Variants in PDYN observed in about 807,000 individuals in gnomAD.
PDYN encodes proenkephalin-B.
In PDYN, 5 loss-of-function variants were observed where a neutral mutation model predicts 11.4. The ratio of observed to expected loss-of-function variants is 0.44; its 90% CI spans 0.23 to 0.92. The LOEUF (loss-of-function observed/expected upper bound fraction) is 0.92. Among genes scored for constraint, PDYN ranks in the 40% least tolerant of loss-of-function variants. The probability of loss-of-function intolerance (pLI) is 0.24; values close to 1 mark genes in which losing one functional copy is unlikely to be tolerated. For missense variants in PDYN, 337 were observed against 317.3 expected, an observed-to-expected ratio of 1.06 and a Z score of -0.47; for synonymous variants, 132 against 129.5, an observed-to-expected ratio of 1.02 and a Z score of -0.13.
Position 1,981,087 on chromosome 20 carries a change from G to T in PDYN, c.130-129C>A. The T allele has an allele frequency of 9.4e-6, 9 of 960,338 alleles. 1 individual carries two copies. In the South Asian group the frequency reaches 1.3e-4, roughly 13 times the overall value. The allele number at this position is 960,338 out of a possible 1,614,324, so 59.5% of individuals were successfully genotyped here. On this transcript the variant is annotated intron_variant, in intron 3 of 3. Coordinates refer to ENST00000217305, the MANE Select transcript of PDYN (RefSeq NM_024411.5). ...CACTGCTAAGCCCTGGGCTACCCAT[G>T]TTCATACTACTGGTGGTGCATAAAG...
chr20:1,982,389 CTG>C (rs965706058), intron 3 of PDYN, among the ~76,000 whole-genome samples: 39 of 152,224 alleles, frequency 2.6e-4, no homozygotes, highest in African/African-American at 8.7e-4. Flanking sequence ...GAATCAAAGT[CTG>C]TGTTCTGTCC....
In PDYN at chr20:1,980,067, T is replaced by C. The variant is rs2122300257; in HGVS notation, c.*256A>G. 2 of 551,530 alleles carry C rather than the reference T, an allele frequency of 3.6e-6. No homozygotes were observed. Among genetic ancestry groups the C allele is most frequent in the South Asian group, 1.9e-5 (1 of 51,578 alleles). 34.2% of individuals were successfully genotyped at this position (551,530 alleles called of 1,614,324 possible). ...CTGCTGCTGCTGCTGCTGCCGCTGCTGATAGTTTTAGAGTCTAGGTGTCTG... is the reference window on the plus strand; with the variant it reads ...CTGCTGCTGCTGCTGCTGCCGCTGCCGATAGTTTTAGAGTCTAGGTGTCTG... On this transcript the variant is annotated 3_prime_UTR_variant, in exon 4 of 4. Coordinates refer to ENST00000217305, the MANE Select transcript of PDYN (RefSeq NM_024411.5).
intron 3 of PDYN, among the ~76,000 whole-genome samples, chr20:1,981,985 G>C (rs571162040): frequency 7.4e-5 from 11 of 148,240 alleles, no homozygotes; most frequent in African/African-American, 1.8e-4. Flanking sequence ...GCATGGGCTT[G>C]ATAGCCCATG....
chr20:1,988,884 C>G (rs528572280), intron 2 of PDYN, among the ~76,000 whole-genome samples: 2 of 152,164 alleles, frequency 1.3e-5, no homozygotes, highest in Non-Finnish European at 2.9e-5. Flanking sequence ...ATAGGCACAC[C>G]TTGTTGGCTC....
chr20:1,986,872 T>C (rs1271139887), intron 2 of PDYN, among the ~76,000 whole-genome samples: 2 of 152,152 alleles, frequency 1.3e-5, no homozygotes, highest in African/African-American at 4.8e-5. Flanking sequence ...CTCAACCCAC[T>C]CATCCACTCC....
intron 3 of PDYN, 98 bp downstream of exon 3, chr20:1,982,858 G>T: frequency 7.5e-7 from 1 of 1,328,914 alleles, no homozygotes; most frequent in Non-Finnish European, 1.1e-6. Context: ...GGATCTACAA[G>T]ACAGCACACA....
At chr20:1,988,857 T>G (rs1988309417) in intron 2 of PDYN, among the ~76,000 whole-genome samples, 1 of 152,180 alleles carries the variant, frequency 6.6e-6, no homozygotes, top group Non-Finnish European at 1.5e-5. Flanking sequence ...ATTCCTTACG[T>G]CAATCTCTTT....
At chr20:1,981,388 G>A (rs538111632) in intron 3 of PDYN, among the ~76,000 whole-genome samples, 9 of 152,202 alleles carry the variant, frequency 5.9e-5, no homozygotes, top group Admixed American at 1.3e-4. Context: ...GCATGGCAGA[G>A]AACACACAGG....
intron 2 of PDYN, among the ~76,000 whole-genome samples, chr20:1,986,085 T>TG (rs1487290623): frequency 6.6e-6 from 1 of 152,242 alleles, no homozygotes; most frequent in African/African-American, 2.4e-5. Context: ...CTGGTTGATC[T>TG]GAAGGTAATG....
At position 1,980,607 on chromosome 20, in the gene PDYN, G is replaced by A. The variant is rs1203978497; in HGVS notation, c.481C>T (p.Leu161Phe). Residue 161 changes from leucine (L) to phenylalanine (F), a missense_variant, in exon 4 of 4, where the codon CTC (leucine) becomes TTC (phenylalanine). Coordinates refer to ENST00000217305, the MANE Select transcript of PDYN (RefSeq NM_024411.5). Reference sequence around the variant, plus strand: ...TTGGGGTCCTCCTCAGCGAGATAGAGTGTGCCAGTCTCCATGGCACCATCG... The same window carrying A: ...TTGGGGTCCTCCTCAGCGAGATAGAATGTGCCAGTCTCCATGGCACCATCG... ...LNDGAMETGT[L>F]YLAEEDPKEQ... The A allele has an allele frequency of 1.2e-6, 2 of 1,614,052 alleles. No homozygotes were observed. The highest frequency in any genetic ancestry group is 1.3e-5 in the African/African-American group (1 of 74,920).
intron 2 of PDYN, among the ~76,000 whole-genome samples, chr20:1,987,540 C>T (rs191223821): frequency 8.5e-5 from 13 of 152,330 alleles, no homozygotes; most frequent in Admixed American, 3.3e-4. Context: ...GACTGCCTGA[C>T]AGACAAGTGA....
intron 2 of PDYN, among the ~76,000 whole-genome samples, chr20:1,989,215 T>C (rs968064535): frequency 1.1e-4 from 17 of 152,162 alleles, no homozygotes; most frequent in Non-Finnish European, 2.5e-4. Context: ...GGAGGTCAGG[T>C]GGGTTTCCTG....
intron 2 of PDYN, among the ~76,000 whole-genome samples, chr20:1,985,700 G>T (rs562618331): frequency 3.3e-5 from 5 of 152,310 alleles, no homozygotes; most frequent in Admixed American, 2.6e-4. Flanking sequence ...GGCTGGCAAG[G>T]TCGGCTCCCC....
intron 1 of PDYN, chr20:1,993,661 G>T (rs1988548848): frequency 6.6e-6 from 1 of 152,252 alleles, no homozygotes; most frequent in Admixed American, 6.5e-5. Flanking sequence ...AAAGCCAAAG[G>T]GTGGTCCTCT....
At chr20:1,990,879 T>G (rs1600532878) in intron 2 of PDYN, among the ~76,000 whole-genome samples, 1 of 124,492 alleles carries the variant, frequency 8.0e-6, no homozygotes, top group Non-Finnish European at 1.7e-5. Flanking sequence ...ATGGCAGAGG[T>G]GAGAACTGCA....
chr20:1,984,545 T>TC (rs1317955827), intron 2 of PDYN, among the ~76,000 whole-genome samples: 1 of 152,168 alleles, frequency 6.6e-6, no homozygotes, highest in African/African-American at 2.4e-5. Flanking sequence ...GGCCAGCACA[T>TC]CGCAGGTCCT....
intron 2 of PDYN, among the ~76,000 whole-genome samples, chr20:1,991,741 A>C (rs1486003334): frequency 2.0e-5 from 3 of 152,214 alleles, no homozygotes; most frequent in Non-Finnish European, 4.4e-5. Context: ...TCTCTCTTAC[A>C]ATGATGGAAG....
At chr20:1,986,869 C>CA (rs1200527410) in intron 2 of PDYN, among the ~76,000 whole-genome samples, 1 of 152,188 alleles carries the variant, frequency 6.6e-6, no homozygotes, top group Non-Finnish European at 1.5e-5. Context: ...TTTCTCAACC[C>CA]ACTCATCCAC....
intron 2 of PDYN, among the ~76,000 whole-genome samples, chr20:1,991,272 A>C (rs1253180928): frequency 2.0e-5 from 3 of 152,202 alleles, no homozygotes; most frequent in Non-Finnish European, 4.4e-5. Context: ...TAGGACAGGG[A>C]CCAAATGGCA....
Sources: gnomAD v4.1 joint callset for allele counts (sites outside exome capture counted in the v4.1 genomes callset) on GRCh38, gnomAD v4.1.1 for gene constraint, MANE v1.5 for transcripts, NCBI Gene and HGNC (gene_info 2026-07-23, HGNC 2026-07-21) for gene names.